CNTN4: variants seen among roughly 807,000 people sequenced by gnomAD.
CNTN4 encodes the protein contactin-4.
In CNTN4, 77 loss-of-function variants were observed where a neutral mutation model predicts 122.5. The observed-to-expected ratio is 0.63, with a 90% CI of 0.52 to 0.76. CNTN4 has a LOEUF of 0.76. CNTN4 is among the 30% of genes least tolerant of loss of function. CNTN4 has a pLI of 0.00. For missense variants in CNTN4, 1,256 were observed against 1,259.1 expected (o/e 1.00, Z 0.04); for synonymous variants, 512 against 447.0 (o/e 1.15, Z -1.83).
intron 4 of CNTN4, among the ~76,000 whole-genome samples, chr3:2,707,508 G>C (rs547601366): frequency 4.6e-5 from 7 of 152,136 alleles, no homozygotes; most frequent in South Asian, 2.1e-4. Flanking sequence ...GTGTACATCT[G>C]CTTTTCAAAT....
chr3:2,175,688 G>T (rs1275348070), intron 2 of CNTN4, among the ~76,000 whole-genome samples: 1 of 152,118 alleles, frequency 6.6e-6, no homozygotes, highest in Admixed American at 6.6e-5. Flanking sequence ...AACCAGAGGT[G>T]GGTCCCTGTC....
chr3:2,980,845 A>G (rs2125194974), intron 13 of CNTN4, among the ~76,000 whole-genome samples: 1 of 152,302 alleles, frequency 6.6e-6, no homozygotes, highest in East Asian at 1.9e-4. Context: ...TGGATAGACC[A>G]GGTGTGACGT....
rs577176374 is a variant in CNTN4, at chr3:2,946,253, G to T, written c.1358+20474G>T. On this transcript the variant is annotated intron_variant, in intron 13 of 24. Coordinates refer to ENST00000418658, the MANE Select transcript of CNTN4 (RefSeq NM_175607.3). ...AGGGGAGAAGGGAGGGTCAATAGGAGTGTATGAGAATCTCAGGCAAGGGGA... is the reference window on the plus strand; with the variant it reads ...AGGGGAGAAGGGAGGGTCAATAGGATTGTATGAGAATCTCAGGCAAGGGGA... Among the ~76,000 whole-genome samples, 4 of 152,272 alleles carry T rather than the reference G, an allele frequency of 2.6e-5. No homozygotes were observed. In the East Asian group the frequency reaches 7.7e-4, roughly 29 times the overall value.
intron 12 of CNTN4, among the ~76,000 whole-genome samples, chr3:2,905,498 C>G (rs745531106): frequency 6.6e-6 from 1 of 152,108 alleles, no homozygotes; most frequent in Non-Finnish European, 1.5e-5. Flanking sequence ...GGTGCTTCAC[C>G]CTTATGAAGG....
chr3:2,294,522 T>A (rs1475279790), intron 2 of CNTN4, among the ~76,000 whole-genome samples: 3 of 152,092 alleles, frequency 2.0e-5, no homozygotes, highest in South Asian at 4.1e-4. Context: ...TCCAAGCTAC[T>A]CGACAGGCTG....
intron 2 of CNTN4, among the ~76,000 whole-genome samples, chr3:2,225,524 C>T (rs1244827430): frequency 6.6e-6 from 1 of 152,008 alleles, no homozygotes; most frequent in East Asian, 1.9e-4. Flanking sequence ...AAAAAACAAA[C>T]AAACAAAAAA....
chr3:2,442,078 C>G (rs1180357441), intron 3 of CNTN4, among the ~76,000 whole-genome samples: 2 of 152,098 alleles, frequency 1.3e-5, no homozygotes, highest in African/African-American at 2.4e-5. Flanking sequence ...GGATATGAAA[C>G]AAAATTGATT....
At chr3:2,359,176 G>T (rs1045494732) in intron 3 of CNTN4, among the ~76,000 whole-genome samples, 1 of 152,058 alleles carries the variant, frequency 6.6e-6, no homozygotes, top group Non-Finnish European at 1.5e-5. Context: ...TGTAAGATTC[G>T]ATGCCCCAAA....
At chr3:2,530,309 CTTTTTTTT>C (rs1206246281) in intron 3 of CNTN4, among the ~76,000 whole-genome samples, 4 of 134,714 alleles carry the variant, frequency 3.0e-5, no homozygotes, top group Non-Finnish European at 6.3e-5. Context: ...TTCTCCTCTT[CTTTTTTTT>C]TTTTTTTTTT....
intron 3 of CNTN4, among the ~76,000 whole-genome samples, chr3:2,421,777 A>C (rs989458256): frequency 6.6e-6 from 1 of 152,202 alleles, no homozygotes; most frequent in African/African-American, 2.4e-5. Flanking sequence ...GTTAGAAAAA[A>C]TGCTAAGTAC....
At chr3:2,406,315 G>A (rs1184466918) in intron 3 of CNTN4, among the ~76,000 whole-genome samples, 1 of 152,142 alleles carries the variant, frequency 6.6e-6, no homozygotes, top group African/African-American at 2.4e-5. Context: ...GGGCACATCA[G>A]TTCTGTGGTT....
intron 2 of CNTN4, among the ~76,000 whole-genome samples, chr3:2,176,796 A>G (rs2036766520): frequency 6.6e-6 from 1 of 152,194 alleles, no homozygotes. Context: ...TATGAAATAA[A>G]GAAACTATAC....
At chr3:2,110,686 A>G (rs17007773) in intron 2 of CNTN4, 35,125 of 152,006 alleles carry the variant, frequency 0.23, 4,192 homozygotes, top group East Asian at 0.45. Flanking sequence ...GAGTAAACAG[A>G]TTCGGAGTGA....
At chr3:2,119,053 A>C (rs1251887160) in intron 2 of CNTN4, among the ~76,000 whole-genome samples, 2 of 152,216 alleles carry the variant, frequency 1.3e-5, no homozygotes, top group Non-Finnish European at 2.9e-5. Context: ...TTAACATTTA[A>C]ATCAGTGGAC....
At chr3:2,170,690 C>CA (rs1450508529) in intron 2 of CNTN4, among the ~76,000 whole-genome samples, 2 of 151,970 alleles carry the variant, frequency 1.3e-5, no homozygotes, top group Non-Finnish European at 2.9e-5. Flanking sequence ...AGGGAGTGAA[C>CA]AGAGCCTTTT....
chr3:2,594,975 A>G (rs189881482), intron 4 of CNTN4, among the ~76,000 whole-genome samples: 2 of 152,350 alleles, frequency 1.3e-5, no homozygotes, highest in East Asian at 1.9e-4. Context: ...AAGAAGTAAC[A>G]TTGGTCACAT....
chr3:2,600,745 T>A (rs1291303318), intron 4 of CNTN4, among the ~76,000 whole-genome samples: 1 of 152,190 alleles, frequency 6.6e-6, no homozygotes, highest in Non-Finnish European at 1.5e-5. Context: ...CAAACGGTAT[T>A]TCTAGTTCTA....
intron 6 of CNTN4, among the ~76,000 whole-genome samples, chr3:2,779,857 A>G (rs1436555431): frequency 6.6e-6 from 1 of 152,240 alleles, no homozygotes; most frequent in African/African-American, 2.4e-5. Flanking sequence ...CATAAAGATA[A>G]TTGGCTAATA....
At chr3:2,521,395 G>C (rs1033242215) in intron 3 of CNTN4, among the ~76,000 whole-genome samples, 1 of 102,466 alleles carries the variant, frequency 9.8e-6, no homozygotes, top group African/African-American at 3.9e-5. Context: ...TTTTGTTTCT[G>C]CCTGCCTTAA....
Sources: gnomAD v4.1 joint callset for allele counts (sites outside exome capture counted in the v4.1 genomes callset) on GRCh38, gnomAD v4.1.1 for gene constraint, MANE v1.5 for transcripts, NCBI Gene and HGNC (gene_info 2026-07-23, HGNC 2026-07-21) for gene names.